Variants in RBFOX1 observed in about 807,000 individuals in gnomAD.
RBFOX1 encodes RNA binding fox-1 homolog 1, also known as RNA binding protein fox-1 homolog 1.
A neutral mutation model predicts 57.7 loss-of-function variants in RBFOX1; 8 were observed. The observed-to-expected ratio is 0.14, with a 90% confidence interval of 0.08 to 0.25. The LOEUF (loss-of-function observed/expected upper bound fraction) is 0.25. Among genes scored for constraint, RBFOX1 ranks in the 10% least tolerant of loss-of-function variants. The probability of loss-of-function intolerance (pLI) is 1.00; values close to 1 mark genes in which losing one functional copy is unlikely to be tolerated. For missense variants in RBFOX1, 611 were observed against 548.5 expected (o/e 1.11, Z -1.14); for synonymous variants, 326 against 222.4 (o/e 1.47, Z -4.15).
intron 4 of RBFOX1, among the ~76,000 whole-genome samples, chr16:7,503,972 A>T (rs892905801): frequency 9.2e-5 from 14 of 152,310 alleles, no homozygotes; most frequent in African/African-American, 2.6e-4. Flanking sequence ...GTTATGCAAG[A>T]GGTTATCACG....
intron 1 of RBFOX1, among the ~76,000 whole-genome samples, chr16:6,186,612 G>C (rs552139966): frequency 6.6e-6 from 1 of 152,272 alleles, no homozygotes; most frequent in African/African-American, 2.4e-5. Flanking sequence ...GTGTGGCTTG[G>C]TGTGGACCAT....
intron 3 of RBFOX1, among the ~76,000 whole-genome samples, chr16:6,993,796 C>G (rs1396383773): frequency 6.6e-6 from 1 of 152,216 alleles, no homozygotes; most frequent in Non-Finnish European, 1.5e-5. Context: ...AGCATGGAAA[C>G]TGTATTGCTG....
chr16:5,336,401 G>A (rs2064896042), intron 1 of RBFOX1, among the ~76,000 whole-genome samples: 2 of 152,130 alleles, frequency 1.3e-5, no homozygotes, highest in Admixed American at 6.5e-5. Flanking sequence ...TATCCTCATC[G>A]GTAAAACAGG....
intron 2 of RBFOX1, among the ~76,000 whole-genome samples, chr16:6,497,493 C>T (rs2095802503): frequency 6.6e-6 from 1 of 151,922 alleles, no homozygotes; most frequent in African/African-American, 2.4e-5. Flanking sequence ...CTTCAAAATG[C>T]CGCAATGGAG....
At chr16:6,799,873 C>G (rs375594141) in intron 3 of RBFOX1, among the ~76,000 whole-genome samples, 5 of 152,132 alleles carry the variant, frequency 3.3e-5, no homozygotes, top group African/African-American at 1.2e-4. Context: ...GGTTTCGGGA[C>G]TCGGAGTGAG....
At chr16:5,853,917 AC>A (rs2056960197) in intron 3 of RBFOX1, among the ~76,000 whole-genome samples, 1 of 152,196 alleles carries the variant, frequency 6.6e-6, no homozygotes, top group Non-Finnish European at 1.5e-5. Context: ...GTGCCACTGC[AC>A]CCAGCCAAAT....
At chr16:6,959,005 A>G (rs1216434176) in intron 3 of RBFOX1, among the ~76,000 whole-genome samples, 1 of 152,232 alleles carries the variant, frequency 6.6e-6, no homozygotes. Flanking sequence ...TATAAGGAGA[A>G]TATTAATCAT....
intron 3 of RBFOX1, among the ~76,000 whole-genome samples, chr16:7,029,119 CACATAT>C (rs1459471367): frequency 1.2e-5 from 1 of 81,768 alleles, no homozygotes; most frequent in African/African-American, 6.0e-5. Context: ...CACACACACA[CACATAT>C]ACGTATATAT....
At chr16:6,416,983 C>T (rs1332820569) in intron 2 of RBFOX1, among the ~76,000 whole-genome samples, 1 of 152,014 alleles carries the variant, frequency 6.6e-6, no homozygotes, top group Admixed American at 6.6e-5. Flanking sequence ...TCATTCCTTA[C>T]CTTAAATTTG....
At chr16:6,846,916 G>C (rs1262488124) in intron 3 of RBFOX1, among the ~76,000 whole-genome samples, 1 of 140,674 alleles carries the variant, frequency 7.1e-6, no homozygotes, top group Non-Finnish European at 1.5e-5. Flanking sequence ...ATTACCCTAG[G>C]AAACAAAAAA....
chr16:7,364,158 A>C (rs1413166910), intron 4 of RBFOX1, among the ~76,000 whole-genome samples: 1 of 152,204 alleles, frequency 6.6e-6, no homozygotes, highest in Admixed American at 6.5e-5. Flanking sequence ...GCAGGAGTCT[A>C]CAACAGCTCA....
chr16:6,055,771 T>C (rs2095607580), intron 1 of RBFOX1, among the ~76,000 whole-genome samples: 1 of 152,028 alleles, frequency 6.6e-6, no homozygotes, highest in Admixed American at 6.5e-5. Flanking sequence ...ATGACCAAAG[T>C]AAGATGAGTA....
Position 6,949,176 on chromosome 16 carries a change from A to G in RBFOX1, c.-15-102881A>G, listed in dbSNP as rs77190842. Among the ~76,000 whole-genome samples, 232 of 151,858 alleles carry G rather than the reference A, an allele frequency of 1.5e-3. 3 individuals carry two copies. Among genetic ancestry groups the G allele is most frequent in the African/African-American group, 5.3e-3 (221 of 41,502 alleles). Reference sequence around the variant, plus strand: ...CTTCCCCCACCCCCCTGAAAAGTCTAAGGTCTAGAATAAAAGCTACAAAAG... The same window carrying G: ...CTTCCCCCACCCCCCTGAAAAGTCTGAGGTCTAGAATAAAAGCTACAAAAG... On this transcript the variant is annotated intron_variant, in intron 3 of 15. Transcript: ENST00000550418.
intron 3 of RBFOX1, among the ~76,000 whole-genome samples, chr16:5,767,206 T>C (rs1239591820): frequency 6.6e-6 from 1 of 152,186 alleles, no homozygotes; most frequent in Non-Finnish European, 1.5e-5. Flanking sequence ...ACAGAAGTAA[T>C]AAAGAATCTA....
chr16:5,800,906 C>A (rs1466265513), intron 3 of RBFOX1, among the ~76,000 whole-genome samples: 2 of 152,082 alleles, frequency 1.3e-5, no homozygotes, highest in African/African-American at 4.8e-5. Context: ...TTAAAACTTC[C>A]CTGCCACATG....
At chr16:7,096,680 C>G (rs2061748127) in intron 4 of RBFOX1, among the ~76,000 whole-genome samples, 1 of 152,000 alleles carries the variant, frequency 6.6e-6, no homozygotes, top group Non-Finnish European at 1.5e-5. Context: ...GCCTGTAATC[C>G]CAGCACTTTG....
intron 3 of RBFOX1, among the ~76,000 whole-genome samples, chr16:5,614,184 G>A (rs572031215): frequency 3.8e-4 from 58 of 152,228 alleles, no homozygotes; most frequent in African/African-American, 1.2e-3. Flanking sequence ...GTCCTGTCAC[G>A]TACAGCCTGA....
At chr16:7,570,117 A>G (rs2092620144) in intron 5 of RBFOX1, among the ~76,000 whole-genome samples, 1 of 152,062 alleles carries the variant, frequency 6.6e-6, no homozygotes, top group South Asian at 2.1e-4. Context: ...ATGTTGAAAT[A>G]ATATCCTTAA....
At chr16:6,743,936 G>C (rs865920259) in intron 3 of RBFOX1, among the ~76,000 whole-genome samples, 2 of 151,068 alleles carry the variant, frequency 1.3e-5, no homozygotes, top group South Asian at 4.2e-4. Flanking sequence ...TGATTTTCCA[G>C]TTTTTCATTT....
Sources: allele counts gnomAD v4.1 joint callset (sites outside exome capture counted in the v4.1 genomes callset), GRCh38; gene constraint gnomAD v4.1.1; transcripts MANE v1.5; gene names NCBI Gene and HGNC (gene_info 2026-07-23, HGNC 2026-07-21).